Variants in PCBP3 observed in about 807,000 individuals in gnomAD.
The protein encoded by PCBP3 is poly(rC) binding protein 3.
PCBP3 carries 25 observed loss-of-function variants against 52.7 expected under a neutral mutation model. The ratio of observed to expected loss-of-function variants is 0.47; its 90% CI spans 0.35 to 0.66. The LOEUF (loss-of-function observed/expected upper bound fraction) is 0.66, where lower values mean the gene tolerates loss of function less well. PCBP3 is among the 30% of genes least tolerant of loss of function. The pLI, the probability that PCBP3 is intolerant of heterozygous loss-of-function variation, is 0.01. For missense variants in PCBP3, 391 were observed against 490.3 expected (o/e 0.80, Z 1.91); for synonymous variants, 162 against 183.0 (o/e 0.89, Z 0.93).
intron 11 of PCBP3, among the ~76,000 whole-genome samples, chr21:45,912,629 G>A (rs2149286111): frequency 6.6e-6 from 1 of 152,242 alleles, no homozygotes; most frequent in East Asian, 1.9e-4. Context: ...GGCTCATGCA[G>A]TCCCAGGGGA....
intron 16 of PCBP3, among the ~76,000 whole-genome samples, chr21:45,935,879 G>A (rs1301158375): frequency 6.6e-6 from 1 of 152,234 alleles, no homozygotes; most frequent in Non-Finnish European, 1.5e-5. Flanking sequence ...AGTAAGCACG[G>A]GTCTTGAGGA....
intron 1 of PCBP3, among the ~76,000 whole-genome samples, chr21:45,644,917 C>T (rs1220624516): frequency 1.3e-5 from 2 of 152,304 alleles, no homozygotes; most frequent in Middle Eastern, 3.4e-3. Context: ...TTTGGACTTT[C>T]TCAGATGTGG....
At chr21:45,807,884 A>G (rs994748327) in intron 4 of PCBP3, among the ~76,000 whole-genome samples, 1 of 152,206 alleles carries the variant, frequency 6.6e-6, no homozygotes, top group Non-Finnish European at 1.5e-5. Context: ...GGCCTCCGAT[A>G]TAATGCCAGA....
intron 4 of PCBP3, among the ~76,000 whole-genome samples, chr21:45,776,722 T>A (rs1257351864): frequency 6.6e-6 from 1 of 152,214 alleles, no homozygotes; most frequent in Non-Finnish European, 1.5e-5. Context: ...AATATTTTTT[T>A]CCATCCCTTT....
intron 17 of PCBP3, among the ~76,000 whole-genome samples, chr21:45,941,181 G>A (rs2149621139): frequency 6.6e-6 from 1 of 152,338 alleles, no homozygotes; most frequent in Admixed American, 6.5e-5. Context: ...AGGAGGCTGG[G>A]CAAAGTGCAG....
chr21:45,870,526 C>T (rs922783639), intron 5 of PCBP3, among the ~76,000 whole-genome samples: 1 of 152,204 alleles, frequency 6.6e-6, no homozygotes, highest in African/African-American at 2.4e-5. Flanking sequence ...TCCATGGAGA[C>T]ACTCATGACC....
chr21:45,910,015 A>ATGTGG (rs2096328707), intron 10 of PCBP3, among the ~76,000 whole-genome samples: 1 of 42,882 alleles, frequency 2.3e-5, no homozygotes, highest in Non-Finnish European at 4.3e-5. Context: ...CCAAATATGG[A>ATGTGG]CCTGGCCCAC....
chr21:45,896,272 T>C lies in PCBP3; in HGVS notation c.75T>C (p.Pro25=), dbSNP rs1030432720. ...HSTLSTLSHH[P]QPQFGRRMES... ...CCCTCAGCACCTTAAGCCACCACCCTCAGCCACAATTTGGCAGAAGGATGG... is the reference window on the plus strand; with the variant it reads ...CCCTCAGCACCTTAAGCCACCACCCCCAGCCACAATTTGGCAGAAGGATGG... Residue 25 remains proline, a synonymous_variant, in exon 6 of 18, where the codon CCT becomes CCC. Transcript: ENST00000681687. 1 of 1,552,188 alleles carries C rather than the reference T, an allele frequency of 6.4e-7. No homozygotes were observed. The highest frequency in any genetic ancestry group is 2.0e-5 in the Admixed American group (1 of 51,018).
intron 3 of PCBP3, among the ~76,000 whole-genome samples, chr21:45,752,215 T>G (rs1329069864): frequency 1.3e-5 from 2 of 152,152 alleles, no homozygotes; most frequent in African/African-American, 4.8e-5. Context: ...ATTACTCATG[T>G]TTTATTCTAG....
intron 4 of PCBP3, chr21:45,762,080 G>A: frequency 6.6e-6 from 1 of 152,106 alleles, no homozygotes; most frequent in East Asian, 1.9e-4. Context: ...AAAACTGAGT[G>A]GGTTAAAACA....
chr21:45,793,851 C>T (rs1289152867), intron 4 of PCBP3, among the ~76,000 whole-genome samples: 2 of 151,994 alleles, frequency 1.3e-5, no homozygotes, highest in African/African-American at 4.8e-5. Context: ...AATTGAAGGG[C>T]AAAGGAAAAG....
chr21:45,925,245 A>G (rs2075239002), intron 13 of PCBP3, among the ~76,000 whole-genome samples: 1 of 152,266 alleles, frequency 6.6e-6, no homozygotes, highest in Admixed American at 6.5e-5. Context: ...GTCTCATTCC[A>G]CTAGAGGGAG....
rs974447253 is a variant in PCBP3, at chr21:45,941,910, C to A, written c.*204C>A. The A allele has an allele frequency of 1.8e-5, 8 of 433,780 alleles. No individual in the cohort carries two copies. Among genetic ancestry groups the A allele is most frequent in the Non-Finnish European group, 2.0e-5 (5 of 246,374 alleles). 26.9% of individuals were successfully genotyped at this position (433,780 alleles called of 1,614,324 possible). ...AGGCTGCAGGCTCCGCCGAGTCCCCCCTCAGTGTTATTTTATTTATGACTT... is the reference window on the plus strand; with the variant it reads ...AGGCTGCAGGCTCCGCCGAGTCCCCACTCAGTGTTATTTTATTTATGACTT... On this transcript the variant is annotated 3_prime_UTR_variant, in exon 18 of 18. Coordinates refer to ENST00000681687, the MANE Select transcript of PCBP3 (RefSeq NM_001384156.1).
At chr21:45,811,415 A>C (rs1569254168) in intron 4 of PCBP3, among the ~76,000 whole-genome samples, 1 of 152,220 alleles carries the variant, frequency 6.6e-6, no homozygotes, top group East Asian at 1.9e-4. Flanking sequence ...CAGCCACAGG[A>C]CCCAGTTTGG....
chr21:45,712,966 C>T (rs1378402961), intron 2 of PCBP3, among the ~76,000 whole-genome samples: 1 of 152,104 alleles, frequency 6.6e-6, no homozygotes, highest in Non-Finnish European at 1.5e-5. Context: ...CTCAAGTGAT[C>T]CTCCTGCTTT....
At chr21:45,828,025 C>A (rs1233762400) in intron 4 of PCBP3, 1 of 152,252 alleles carries the variant, frequency 6.6e-6, no homozygotes, top group Non-Finnish European at 1.5e-5. Context: ...GTCTTCAACC[C>A]CTTCCCAAGC....
At chr21:45,681,960 C>A (rs918271280) in intron 2 of PCBP3, among the ~76,000 whole-genome samples, 7 of 151,740 alleles carry the variant, frequency 4.6e-5, no homozygotes, top group African/African-American at 1.7e-4. Flanking sequence ...CAAAAAAGAA[C>A]AAAGGCTCAG....
At chr21:45,831,419 A>T (rs992483899) in intron 4 of PCBP3, among the ~76,000 whole-genome samples, 8 of 152,074 alleles carry the variant, frequency 5.3e-5, no homozygotes, top group African/African-American at 1.9e-4. Context: ...AAAAAAAAAA[A>T]AAAAAAAAAA....
At chr21:45,906,913 G>T (rs1017103492) in intron 9 of PCBP3, among the ~76,000 whole-genome samples, 1 of 152,196 alleles carries the variant, frequency 6.6e-6, no homozygotes, top group Admixed American at 6.5e-5. Context: ...GCCTCCCAGG[G>T]TGTGGTGTAC....
Sources: allele counts gnomAD v4.1 joint callset (sites outside exome capture counted in the v4.1 genomes callset), GRCh38; gene constraint gnomAD v4.1.1; transcripts MANE v1.5; gene names NCBI Gene and HGNC (gene_info 2026-07-23, HGNC 2026-07-21).